The following CALCRL variants were observed in gnomAD, a reference collection of about 807,000 sequenced individuals.
CALCRL encodes calcitonin receptor like receptor.
In CALCRL, 27 loss-of-function variants were observed where a neutral mutation model predicts 60.4. That is an observed-to-expected ratio of 0.45 (90% CI 0.33 to 0.62). The LOEUF is 0.62. Among genes scored for constraint, CALCRL ranks in the 20% least tolerant of loss-of-function variants. The pLI is 0.03. For missense variants in CALCRL, 424 were observed against 540.7 expected, an observed-to-expected ratio of 0.78 and a Z score of 2.14; for synonymous variants, 190 against 182.6, an observed-to-expected ratio of 1.04 and a Z score of -0.33.
At chr2:187,389,728 C>A (rs944464375) in intron 1 of CALCRL, among the ~76,000 whole-genome samples, 1 of 151,842 alleles carries the variant, frequency 6.6e-6, no homozygotes, top group East Asian at 1.9e-4. Context: ...GGTAATCTAA[C>A]TGAATATTTT....
intron 9 of CALCRL, 100 bp downstream of exon 9, chr2:187,363,276 C>A (rs1687137996): frequency 2.7e-6 from 3 of 1,119,384 alleles, no homozygotes; most frequent in Admixed American, 5.6e-5. Flanking sequence ...TGAAAATATA[C>A]ATATATGTGT....
rs1230427502 is a variant in CALCRL at position 187,346,290 on chromosome 2, C to T, written c.1280G>A (p.Ser427Asn). 3 of 1,612,370 alleles carry T rather than the reference C, an allele frequency of 1.9e-6. No homozygotes were observed. The highest frequency in any genetic ancestry group is 2.5e-6 in the Non-Finnish European group (3 of 1,178,906). The change falls in exon 15 of 15, where the codon AGT (serine) becomes AAT (asparagine). Residue 427 changes from serine (S) to asparagine (N), a missense_variant. Physicochemically the swap from Ser to Asn is conservative, Grantham distance 46. This residue lies in a region of CALCRL where 222 missense variants were observed against 265.6 expected (regional missense o/e 0.84). Transcript: ENST00000392370. Reference sequence around the variant, plus strand: ...GTCATGACTATAACCTGGACCATCACTGATTGTTGACACTGTGTAAGACGC... The same window carrying T: ...GTCATGACTATAACCTGGACCATCATTGATTGTTGACACTGTGTAAGACGC... Reference protein sequence around the residue: ...RSASYTVSTISDGPGYSHDCP... With the variant: ...RSASYTVSTINDGPGYSHDCP...
chr2:187,385,661 CA>C, intron 3 of CALCRL, 30 bp from the exon 4 acceptor site: 1 of 1,086,768 alleles, frequency 9.2e-7, no homozygotes, highest in Non-Finnish European at 1.3e-6. Context: ...AAATATAATT[CA>C]TCAATATTTA....
At chr2:187,384,929 C>T (rs893628770) in intron 4 of CALCRL, among the ~76,000 whole-genome samples, 15 of 152,124 alleles carry the variant, frequency 9.9e-5, no homozygotes, top group Non-Finnish European at 1.8e-4. Context: ...GTATGTGACT[C>T]CTCCAGCAGA....
At chr2:187,386,038 A>G (rs1255438748) in intron 3 of CALCRL, among the ~76,000 whole-genome samples, 3 of 152,106 alleles carry the variant, frequency 2.0e-5, no homozygotes, top group Admixed American at 6.6e-5. Flanking sequence ...TTATGGTGTC[A>G]AATGTTTAAG....
chr2:187,363,766 T>C (rs1687159440), intron 8 of CALCRL, among the ~76,000 whole-genome samples: 1 of 152,182 alleles, frequency 6.6e-6, no homozygotes, highest in African/African-American at 2.4e-5. Context: ...TACATGACTT[T>C]CTCTATTAAT....
intron 1 of CALCRL, among the ~76,000 whole-genome samples, chr2:187,410,545 G>A (rs1689313926): frequency 6.6e-6 from 1 of 152,148 alleles, no homozygotes; most frequent in Non-Finnish European, 1.5e-5. Context: ...ATATGAAGTG[G>A]GTGTTAGGGT....
intron 12 of CALCRL, among the ~76,000 whole-genome samples, chr2:187,358,286 T>A (rs1054171802): frequency 6.6e-6 from 1 of 151,944 alleles, no homozygotes; most frequent in Admixed American, 6.6e-5. Flanking sequence ...AACCCAGGAG[T>A]TGGGGGCTGC....
intron 1 of CALCRL, among the ~76,000 whole-genome samples, chr2:187,402,427 G>GTGTA (rs1458961388): frequency 6.6e-6 from 1 of 151,274 alleles, no homozygotes; most frequent in African/African-American, 2.4e-5. Flanking sequence ...GTGAGTGTGT[G>GTGTA]TGTGTGTGTA....
intron 3 of CALCRL, 34 bp from the exon 4 acceptor site, chr2:187,385,665 A>C: frequency 9.7e-7 from 1 of 1,031,106 alleles, no homozygotes; most frequent in Non-Finnish European, 1.4e-6. Context: ...ATAATTCATC[A>C]ATATTTATGA....
intron 1 of CALCRL, among the ~76,000 whole-genome samples, chr2:187,421,011 G>A (rs888103309): frequency 6.6e-6 from 1 of 152,146 alleles, no homozygotes; most frequent in African/African-American, 2.4e-5. Context: ...AGCTGGAACT[G>A]TATGTGCCAG....
intron 1 of CALCRL, among the ~76,000 whole-genome samples, chr2:187,438,974 T>C (rs1455030839): frequency 6.6e-6 from 1 of 152,218 alleles, no homozygotes; most frequent in East Asian, 1.9e-4. Context: ...GAATAATATA[T>C]AAACTCACAT....
At position 187,380,596 on chromosome 2, in the gene CALCRL, A is replaced by G; in HGVS notation, c.296-17T>C. Reference sequence around the variant, plus strand: ...TAACTTTTTCTTTAAAATTAAAAAAAAAGGGAAAACAGGAATTTAATTAAC... The same window carrying G: ...TAACTTTTTCTTTAAAATTAAAAAAGAAGGGAAAACAGGAATTTAATTAAC... On this transcript the variant is annotated splice_polypyrimidine_tract_variant and intron_variant, in intron 6 of 14. Transcript: ENST00000392370. 1.2e-6 allele frequency: 2 copies of G among 1,601,268 alleles called. No individual in the cohort carries two copies. The highest frequency in any genetic ancestry group is 1.7e-6 in the Non-Finnish European group (2 of 1,169,274).
At chr2:187,447,243 T>C (rs1486435408) in intron 1 of CALCRL, among the ~76,000 whole-genome samples, 1 of 150,708 alleles carries the variant, frequency 6.6e-6, no homozygotes, top group Non-Finnish European at 1.5e-5. Flanking sequence ...CGTTTCTTTA[T>C]CCACAGATAT....
At chr2:187,410,530 G>A (rs1021271593) in intron 1 of CALCRL, among the ~76,000 whole-genome samples, 1 of 152,196 alleles carries the variant, frequency 6.6e-6, no homozygotes, top group South Asian at 2.1e-4. Flanking sequence ...TGAGAGAGAA[G>A]GGAAATATGA....
chr2:187,399,861 T>C (rs1317191411), intron 1 of CALCRL, among the ~76,000 whole-genome samples: 1 of 151,464 alleles, frequency 6.6e-6, no homozygotes, highest in Non-Finnish European at 1.5e-5. Flanking sequence ...AGATGAATAC[T>C]GTATGTTCTC....
Position 187,359,074 on chromosome 2 carries a change from C to T in CALCRL, c.898G>A (p.Ala300Thr). 6.2e-7 allele frequency: 1 copy of T among 1,612,112 alleles called. No homozygotes were observed. ...AATTTGTTACATACCAGTAAAGCAG[C>T]ACAAATTGGGCCATGGATAATGTAG... ...LLYIIHGPIC[A>T]ALLVNLFFLL... The change falls in exon 12 of 15, where the codon GCT (alanine) becomes ACT (threonine). Residue 300 changes from alanine (A) to threonine (T), a missense_variant. Ala to Thr is a moderately conservative substitution (Grantham distance 58, BLOSUM62 0). Around this residue, in one of 7 missense-constraint regions of CALCRL, gnomAD observed 222 missense variants for 265.6 expected, o/e 0.84. Coordinates refer to ENST00000392370, the MANE Select transcript of CALCRL (RefSeq NM_005795.6).
chr2:187,395,502 G>T (rs1203770540), intron 1 of CALCRL, among the ~76,000 whole-genome samples: 1 of 152,034 alleles, frequency 6.6e-6, no homozygotes, highest in Non-Finnish European at 1.5e-5. Context: ...CACATGTACT[G>T]TCTCGTTTTC....
chr2:187,383,679 C>T (rs1688080284), intron 4 of CALCRL, among the ~76,000 whole-genome samples: 1 of 152,130 alleles, frequency 6.6e-6, no homozygotes, highest in Admixed American at 6.5e-5. Flanking sequence ...AAGATATTGT[C>T]TGTCCCCTCC....
Sources: gnomAD v4.1 joint callset for allele counts (sites outside exome capture counted in the v4.1 genomes callset) on GRCh38, gnomAD v4.1.1 for gene constraint, gnomAD v4.1.1 regional missense constraint, MANE v1.5 for transcripts, NCBI Gene and HGNC (gene_info 2026-07-23, HGNC 2026-07-21) for gene names.